Variants in SH3RF2 observed in about 807,000 individuals in gnomAD.
The protein encoded by SH3RF2 is SH3 domain containing ring finger 2.
Under a neutral mutation model 59.0 loss-of-function variants are expected in SH3RF2, and 43 were observed. The observed-to-expected ratio is 0.73, with a 90% CI of 0.57 to 0.94. SH3RF2 has a LOEUF of 0.94. Ranked by LOEUF, SH3RF2 falls within the 40% of genes least tolerant of loss-of-function variation. The pLI, the probability that SH3RF2 is intolerant of heterozygous loss-of-function variation, is 0.00. For missense variants in SH3RF2, 930 were observed against 940.1 expected (o/e 0.99, Z 0.14); for synonymous variants, 391 against 391.5 (o/e 1.00, Z 0.01).
chr5:146,015,812 A>G lies in SH3RF2; in HGVS notation c.1059+1751A>G, dbSNP rs574823811. On this transcript the variant is annotated intron_variant, in intron 5 of 9. Coordinates refer to ENST00000359120, the MANE Select transcript of SH3RF2 (RefSeq NM_152550.4). ...TGGCACTGCATTCACACATCCGATG[A>G]CCAGGGAACTACTTCACAGCAGCCT... Among the ~76,000 whole-genome samples the G allele has an allele frequency of 4.6e-5, 7 of 152,354 alleles. No homozygotes were observed. In the East Asian group the frequency reaches 9.6e-4, roughly 21 times the overall value.
chr5:146,064,343 T>C (rs1762993498), downstream of SH3RF2, among the ~76,000 whole-genome samples: 1 of 151,714 alleles, frequency 6.6e-6, no homozygotes, highest in South Asian at 2.1e-4. Flanking sequence ...CCCACTAAGA[T>C]GGAACTGACG....
chr5:146,063,842 A>C (rs1015231587), downstream of SH3RF2, among the ~76,000 whole-genome samples: 2 of 152,160 alleles, frequency 1.3e-5, no homozygotes, highest in African/African-American at 4.8e-5. Context: ...CCTGGGTGAC[A>C]GAGTGAGATT....
At chr5:146,064,776 A>AAGGG (rs1561773661), downstream of SH3RF2, among the ~76,000 whole-genome samples, 2 of 24,816 alleles carry the variant, frequency 8.1e-5, no homozygotes, top group African/African-American at 1.4e-4. Context: ...GGAAGGAAGG[A>AAGGG]AAGGAAGGAA....
intron 2 of SH3RF2, among the ~76,000 whole-genome samples, chr5:145,977,813 T>G (rs1759352255): frequency 6.6e-6 from 1 of 152,246 alleles, no homozygotes; most frequent in Non-Finnish European, 1.5e-5. Flanking sequence ...ACATTCTGAC[T>G]GCCTTGTTCC....
intron 2 of SH3RF2, among the ~76,000 whole-genome samples, chr5:145,986,046 T>C (rs891516296): frequency 6.8e-6 from 1 of 146,900 alleles, no homozygotes; most frequent in African/African-American, 2.7e-5. Flanking sequence ...AATAAATAAA[T>C]GTCTGTTATC....
chr5:145,989,466 G>A lies in SH3RF2; in HGVS notation c.379-10592G>A, dbSNP rs150718615. Among the ~76,000 whole-genome samples the A allele has an allele frequency of 4.3e-4, 65 of 152,296 alleles. No individual in the cohort carries two copies. In the East Asian group the frequency reaches 0.012, roughly 28 times the overall value. On this transcript the variant is annotated intron_variant, in intron 2 of 9. Coordinates refer to ENST00000359120, the MANE Select transcript of SH3RF2 (RefSeq NM_152550.4). ...AAGCGTTTCTTAAACACCTACTTGT[G>A]TACAGTGTTCAAAGATAGAGAGGCA...
At chr5:145,962,770 C>T (rs555818842) in intron 2 of SH3RF2, among the ~76,000 whole-genome samples, 3 of 152,178 alleles carry the variant, frequency 2.0e-5, no homozygotes, top group South Asian at 2.1e-4. Context: ...GTCAAGACAC[C>T]CTTAGGACTT....
chr5:145,985,342 T>C (rs966803952), intron 2 of SH3RF2, among the ~76,000 whole-genome samples: 1 of 152,226 alleles, frequency 6.6e-6, no homozygotes, highest in Non-Finnish European at 1.5e-5. Context: ...TGGAGATTAA[T>C]TAAGTAAACC....
chr5:146,049,243 C>T lies in SH3RF2; in HGVS notation c.1320C>T (p.Phe440=). ...IFPNNYVIPI[F]RKTSSFPDSR... is the part of the protein sequence containing the mutation. ...CAAACAATTACGTCATCCCCATTTT[C>T]AGGTGTGTCGCCTCCAATCCCAGAC... Residue 440 remains phenylalanine (F), a splice_region_variant and synonymous_variant, in exon 7 of 10, where the codon TTC becomes TTT. Coordinates refer to ENST00000359120, the MANE Select transcript of SH3RF2 (RefSeq NM_152550.4). 6.2e-7 allele frequency: 1 copy of T among 1,604,260 alleles called. No individual in the cohort carries two copies. Among genetic ancestry groups the T allele is most frequent in the Non-Finnish European group, 8.5e-7 (1 of 1,174,390 alleles).
chr5:145,948,989 T>C (rs189134418), intron 2 of SH3RF2, among the ~76,000 whole-genome samples: 4 of 152,376 alleles, frequency 2.6e-5, no homozygotes, highest in Admixed American at 2.6e-4. Context: ...TTTGCCATAT[T>C]GCAAGAAACT....
intron 4 of SH3RF2, among the ~76,000 whole-genome samples, chr5:146,005,155 A>G (rs79869680): frequency 0.011 from 1,657 of 152,252 alleles, 32 homozygotes; most frequent in African/African-American, 0.038. Context: ...TTTTTAAAGA[A>G]AAATCTTCTT....
At chr5:146,009,719 A>G (rs1760797931) in intron 4 of SH3RF2, among the ~76,000 whole-genome samples, 1 of 152,172 alleles carries the variant, frequency 6.6e-6, no homozygotes, top group Non-Finnish European at 1.5e-5. Flanking sequence ...CCTGATTTTT[A>G]AAATGGACAT....
At chr5:145,949,209 A>T (rs1017051051) in intron 2 of SH3RF2, among the ~76,000 whole-genome samples, 1 of 152,224 alleles carries the variant, frequency 6.6e-6, no homozygotes, top group Non-Finnish European at 1.5e-5. Flanking sequence ...TGAAAAAAGA[A>T]GTCAAACCAG....
chr5:145,974,863 A>G (rs1344092921), intron 2 of SH3RF2, among the ~76,000 whole-genome samples: 1 of 152,240 alleles, frequency 6.6e-6, no homozygotes, highest in Non-Finnish European at 1.5e-5. Context: ...TTCCTAAAAG[A>G]GATGACAATC....
chr5:146,063,894 G>A (rs968051115), downstream of SH3RF2, among the ~76,000 whole-genome samples: 1 of 152,012 alleles, frequency 6.6e-6, no homozygotes, highest in Non-Finnish European at 1.5e-5. Context: ...AGCACAACAT[G>A]CTAAAAAACA....
intron 2 of SH3RF2, among the ~76,000 whole-genome samples, chr5:145,971,273 G>A (rs1759070613): frequency 6.6e-6 from 1 of 152,208 alleles, no homozygotes; most frequent in Admixed American, 6.5e-5. Context: ...GTATTGGTTT[G>A]TAAGGAAATG....
intron 2 of SH3RF2, among the ~76,000 whole-genome samples, chr5:145,956,907 A>C (rs538182652): frequency 6.6e-6 from 1 of 152,360 alleles, no homozygotes; most frequent in African/African-American, 2.4e-5. Context: ...TTCCTGCTCC[A>C]GATCTTACTG....
chr5:145,982,980 G>T (rs1262890133), intron 2 of SH3RF2, among the ~76,000 whole-genome samples: 1 of 152,114 alleles, frequency 6.6e-6, no homozygotes, highest in Non-Finnish European at 1.5e-5. Context: ...CATGATTAGA[G>T]CCCAGTGACA....
chr5:146,037,477 G>T (rs1243228494), intron 5 of SH3RF2, among the ~76,000 whole-genome samples: 1 of 152,050 alleles, frequency 6.6e-6, no homozygotes, highest in Non-Finnish European at 1.5e-5. Context: ...ATGATGTATG[G>T]GGGGTCCGCA....
Sources: gnomAD v4.1 joint callset for allele counts (sites outside exome capture counted in the v4.1 genomes callset) on GRCh38, gnomAD v4.1.1 for gene constraint, MANE v1.5 for transcripts, NCBI Gene and HGNC (gene_info 2026-07-23, HGNC 2026-07-21) for gene names.